RGS3: variants seen among roughly 807,000 people sequenced by gnomAD.
RGS3 encodes the protein regulator of G protein signaling 3, also known as regulator of G-protein signalling 3.
In RGS3, 80 loss-of-function variants were observed where a neutral mutation model predicts 132.6. The observed-to-expected ratio is 0.60, with a 90% CI of 0.50 to 0.73. The LOEUF (loss-of-function observed/expected upper bound fraction) is 0.73, where lower values mean the gene tolerates loss of function less well. RGS3 is among the 30% of genes least tolerant of loss of function. The pLI is 0.00. For synonymous variants in RGS3, 598 were observed against 620.6 expected (o/e 0.96, Z 0.54); for missense variants, 1,382 against 1,530.8 (o/e 0.90, Z 1.62).
At chr9:113,546,294 TC>T (rs1208499715) in intron 19 of RGS3, among the ~76,000 whole-genome samples, 7 of 152,344 alleles carry the variant, frequency 4.6e-5, no homozygotes, top group African/African-American at 1.2e-4. Context: ...AGAACACCTT[TC>T]TCAGGCATGC....
chr9:113,499,490 C>G (rs1156377264), intron 10 of RGS3, among the ~76,000 whole-genome samples: 1 of 152,230 alleles, frequency 6.6e-6, no homozygotes, highest in African/African-American at 2.4e-5. Context: ...CATGGCCTAG[C>G]TGGGAATATA....
chr9:113,456,817 T>G (rs973271168), upstream of RGS3, among the ~76,000 whole-genome samples: 2 of 152,336 alleles, frequency 1.3e-5, no homozygotes, highest in Non-Finnish European at 2.9e-5. Flanking sequence ...ATTTTTTTTT[T>G]GAGACAGAGT....
intron 19 of RGS3, among the ~76,000 whole-genome samples, chr9:113,555,949 G>A (rs879921194): frequency 2.4e-4 from 37 of 152,126 alleles, no homozygotes; most frequent in Admixed American, 1.6e-3. Context: ...TGTCTGTAGA[G>A]CTTTCTTGAG....
intron 17 of RGS3, among the ~76,000 whole-genome samples, chr9:113,523,353 G>A (rs1832054212): frequency 6.6e-6 from 1 of 152,188 alleles, no homozygotes; most frequent in South Asian, 2.1e-4. Flanking sequence ...TCCATACTGG[G>A]ATGACTGTGG....
intron 19 of RGS3, among the ~76,000 whole-genome samples, chr9:113,577,725 G>A (rs965008287): frequency 1.3e-5 from 2 of 152,118 alleles, no homozygotes; most frequent in African/African-American, 2.4e-5. Flanking sequence ...AGTGAGCCCC[G>A]CCCTGCCCCT....
intron 3 of RGS3, among the ~76,000 whole-genome samples, chr9:113,473,392 C>A (rs1391596130): frequency 6.6e-6 from 1 of 151,802 alleles, no homozygotes. Flanking sequence ...TAGCTATTTT[C>A]TTTTTTTTGA....
At position 113,497,307 on chromosome 9, in the gene RGS3, G is replaced by T. The variant is rs762180247; in HGVS notation, c.751-7G>T. 6.2e-7 allele frequency: 1 copy of T among 1,609,956 alleles called. No homozygotes were observed. Among genetic ancestry groups the T allele is most frequent in the Admixed American group, 1.7e-5 (1 of 59,942 alleles). ...GTCTGAGCGTGCCATTCCTTCTCTC[G>T]TGACAGGAGATCAGTGGTTGGTACT... On this transcript the variant is annotated splice_polypyrimidine_tract_variant and splice_region_variant and intron_variant, in intron 8 of 24. Transcript: ENST00000350696.
chr9:113,571,805 T>C (rs918496411), intron 19 of RGS3, among the ~76,000 whole-genome samples: 1 of 152,250 alleles, frequency 6.6e-6, no homozygotes, highest in African/African-American at 2.4e-5. Context: ...TATGGACATA[T>C]ACTTTTATGT....
chr9:113,447,329 G>GTATATATGTATATATATA lies in RGS3; in HGVS notation c.-13+2409_-13+2410insGTATATATATATATATAT, dbSNP rs1305095004. Among the ~76,000 whole-genome samples, 65 of 27,528 alleles carry GTATATATGTATATATATA rather than the reference G, an allele frequency of 2.4e-3. 3 individuals carry two copies. The highest frequency in any genetic ancestry group is 7.5e-3 in the East Asian group (2 of 266). The allele number at this position is 27,528 out of a possible 152,430, so 18.1% of individuals were successfully genotyped here. ...CCAATAAATTCTGATGTATGTATAT[G>GTATATATGTATATATATA]TATATATATATATATATATATATAT... On this transcript the variant is annotated intron_variant, in intron 1 of 25. Coordinates refer to the RGS3 transcript ENST00000374140.
intron 16 of RGS3, among the ~76,000 whole-genome samples, chr9:113,521,751 TAG>T (rs1290388898): frequency 6.6e-6 from 1 of 152,208 alleles, no homozygotes; most frequent in Non-Finnish European, 1.5e-5. Context: ...TTCTGTAGGA[TAG>T]AGTCTCAGAA....
At chr9:113,490,892 AC>A (rs903444620) in intron 7 of RGS3, among the ~76,000 whole-genome samples, 44 of 131,614 alleles carry the variant, frequency 3.3e-4, no homozygotes, top group African/African-American at 1.2e-3. Context: ...ATTATATATA[AC>A]CTAATTATAA....
At chr9:113,490,097 G>C (rs1337600284) in intron 7 of RGS3, among the ~76,000 whole-genome samples, 1 of 152,184 alleles carries the variant, frequency 6.6e-6, no homozygotes, top group East Asian at 1.9e-4. Context: ...CTAGCTGTAT[G>C]ACCATGGGTC....
chr9:113,594,846 C>G, intron 22 of RGS3, 73 bp from the exon 21 acceptor site: 2 of 1,465,486 alleles, frequency 1.4e-6, no homozygotes, highest in Non-Finnish European at 1.9e-6. Flanking sequence ...AAACAAAGGC[C>G]GCCTGGCCCA....
intron 5 of RGS3, among the ~76,000 whole-genome samples, chr9:113,483,614 G>T (rs1830233676): frequency 6.6e-6 from 1 of 152,186 alleles, no homozygotes; most frequent in Admixed American, 6.5e-5. Flanking sequence ...CCTAAAGTGT[G>T]GCAGCTGGGG....
chr9:113,507,221 C>A lies in RGS3; in HGVS notation c.1086-66C>A. On this transcript the variant is annotated intron_variant, in intron 12 of 24. Transcript: ENST00000350696. This position sits in a 1 kb window ranked among gnomAD's most constrained non-coding sequence, Gnocchi z 5.0. ...CCCATTATCCTCTCTGCCCTGTGGG[C>A]CCTCACTCTGGCTGATACTGGCTTT... The A allele has an allele frequency of 7.6e-7, 1 of 1,315,666 alleles. No homozygotes were observed. The highest frequency in any genetic ancestry group is 1.1e-6 in the Non-Finnish European group (1 of 945,000). 81.5% of individuals were successfully genotyped at this position (1,315,666 alleles called of 1,614,324 possible).
intron 19 of RGS3, among the ~76,000 whole-genome samples, chr9:113,544,847 G>A (rs570460114): frequency 6.6e-6 from 1 of 152,316 alleles, no homozygotes; most frequent in East Asian, 1.9e-4. Context: ...AGGGATAGAA[G>A]TAAGAGAAAT....
At chr9:113,488,488 G>A (rs1213772593) in intron 7 of RGS3, among the ~76,000 whole-genome samples, 6 of 152,360 alleles carry the variant, frequency 3.9e-5, no homozygotes, top group Non-Finnish European at 2.9e-5. Flanking sequence ...ACAGGCCAAT[G>A]AAGGGAAGGT....
chr9:113,539,360 G>C (rs1304958999), intron 19 of RGS3, among the ~76,000 whole-genome samples: 1 of 152,106 alleles, frequency 6.6e-6, no homozygotes, highest in East Asian at 1.9e-4. Flanking sequence ...CCCAGGCTGG[G>C]GTGCAGTGGT....
At chr9:113,491,249 G>A (rs12338221) in intron 7 of RGS3, among the ~76,000 whole-genome samples, 21,123 of 147,496 alleles carry the variant, frequency 0.14, 1,647 homozygotes, top group African/African-American at 0.2. Flanking sequence ...TAATTAAAGG[G>A]CATAATCTTT....
Sources: allele counts gnomAD v4.1 joint callset (sites outside exome capture counted in the v4.1 genomes callset), GRCh38; gene constraint gnomAD v4.1.1; non-coding constraint Gnocchi (gnomAD v3.1); transcripts MANE v1.5; gene names NCBI Gene and HGNC (gene_info 2026-07-23, HGNC 2026-07-21).